CDK14: variants seen among roughly 807,000 people sequenced by gnomAD.
CDK14 encodes cyclin dependent kinase 14, also known as cyclin-dependent kinase 14.
A neutral mutation model predicts 60.7 loss-of-function variants in CDK14; 34 were observed. The ratio of observed to expected loss-of-function variants is 0.56; its 90% confidence interval spans 0.43 to 0.75. The LOEUF (loss-of-function observed/expected upper bound fraction) is 0.75, where lower values mean the gene tolerates loss of function less well. CDK14 is among the 30% of genes least tolerant of loss of function. CDK14 has a pLI of 0.00. For synonymous variants in CDK14, 197 were observed against 203.7 expected, an observed-to-expected ratio of 0.97 and a Z score of 0.28; for missense variants, 482 against 564.1, an observed-to-expected ratio of 0.85 and a Z score of 1.47.
chr7:91,030,394 A>G (rs762353602), intron 10 of CDK14, among the ~76,000 whole-genome samples: 2 of 152,100 alleles, frequency 1.3e-5, no homozygotes, highest in African/African-American at 2.4e-5. Context: ...CATATTCCCA[A>G]TATAGGACCA....
intron 8 of CDK14, among the ~76,000 whole-genome samples, chr7:90,922,179 A>C (rs990552282): frequency 3.9e-5 from 6 of 152,214 alleles, no homozygotes; most frequent in Non-Finnish European, 8.8e-5. Context: ...AAGGTTAGAT[A>C]TAACTTAGCT....
At chr7:90,718,708 C>A (rs1325921902) in intron 2 of CDK14, among the ~76,000 whole-genome samples, 2 of 152,118 alleles carry the variant, frequency 1.3e-5, no homozygotes, top group African/African-American at 4.8e-5. Flanking sequence ...CTCTTACTGC[C>A]ATCTCTGTGT....
At chr7:91,131,260 G>T (rs555096347) in intron 14 of CDK14, among the ~76,000 whole-genome samples, 9 of 152,010 alleles carry the variant, frequency 5.9e-5, no homozygotes, top group Admixed American at 4.6e-4. Flanking sequence ...CAGGTATTTT[G>T]CAGAATGTCC....
intron 2 of CDK14, among the ~76,000 whole-genome samples, chr7:90,718,388 A>G (rs540428018): frequency 6.6e-6 from 1 of 152,298 alleles, no homozygotes; most frequent in South Asian, 2.1e-4. Flanking sequence ...GTGAGACTTT[A>G]CTAGTTGACC....
intron 5 of CDK14, among the ~76,000 whole-genome samples, chr7:90,832,967 A>G (rs767012142): frequency 2.0e-5 from 3 of 152,186 alleles, no homozygotes; most frequent in Non-Finnish European, 2.9e-5. Context: ...TCATGCTAGT[A>G]GCCATTTCCC....
At chr7:91,007,863 T>A (rs1796023888) in intron 10 of CDK14, among the ~76,000 whole-genome samples, 1 of 152,192 alleles carries the variant, frequency 6.6e-6, no homozygotes, top group African/African-American at 2.4e-5. Flanking sequence ...CATCTGTCAG[T>A]ATCTTTATGT....
intron 4 of CDK14, among the ~76,000 whole-genome samples, chr7:90,767,227 C>A (rs541859040): frequency 1.9e-4 from 29 of 152,332 alleles, no homozygotes; most frequent in African/African-American, 6.7e-4. Flanking sequence ...TATGTGCCTG[C>A]ATCCTAAACT....
intron 5 of CDK14, among the ~76,000 whole-genome samples, chr7:90,812,860 T>C (rs1263850929): frequency 1.3e-5 from 2 of 152,166 alleles, no homozygotes; most frequent in Non-Finnish European, 2.9e-5. Flanking sequence ...GTTTGACTGT[T>C]TTTTAAAGGT....
intron 11 of CDK14, among the ~76,000 whole-genome samples, chr7:91,049,126 C>G (rs1353022876): frequency 6.6e-6 from 1 of 152,118 alleles, no homozygotes; most frequent in Non-Finnish European, 1.5e-5. Context: ...AAGCAGTCCT[C>G]CCACCTCCGC....
At chr7:90,901,910 C>T (rs1033383500) in intron 7 of CDK14, among the ~76,000 whole-genome samples, 12 of 151,806 alleles carry the variant, frequency 7.9e-5, no homozygotes, top group African/African-American at 1.5e-4. Flanking sequence ...AAACTAATTC[C>T]GTAAAGTTGC....
chr7:90,996,746 T>C (rs1269949411), intron 10 of CDK14, among the ~76,000 whole-genome samples: 1 of 152,218 alleles, frequency 6.6e-6, no homozygotes, highest in Admixed American at 6.5e-5. Flanking sequence ...ATTTTAGATA[T>C]ACCATTCAAT....
At chr7:91,190,163 G>T (rs544033552) in intron 14 of CDK14, among the ~76,000 whole-genome samples, 6 of 152,332 alleles carry the variant, frequency 3.9e-5, no homozygotes, top group African/African-American at 1.4e-4. Context: ...TCCAAATGTA[G>T]ACATGGAGGG....
chr7:90,734,423 C>T (rs1197083446), intron 3 of CDK14, among the ~76,000 whole-genome samples: 1 of 152,158 alleles, frequency 6.6e-6, no homozygotes, highest in Non-Finnish European at 1.5e-5. Context: ...TGGTTCTATT[C>T]TCCCCGTCAC....
chr7:91,158,184 T>A (rs1490378321), intron 14 of CDK14, among the ~76,000 whole-genome samples: 2 of 148,156 alleles, frequency 1.3e-5, no homozygotes, highest in Non-Finnish European at 3.0e-5. Context: ...TAAATATACA[T>A]AAAATATATA....
chr7:90,942,188 C>CT (rs949953284), intron 8 of CDK14, among the ~76,000 whole-genome samples: 2 of 152,112 alleles, frequency 1.3e-5, no homozygotes, highest in African/African-American at 4.8e-5. Flanking sequence ...GCCGGATTCT[C>CT]TGTTTCCCTA....
At chr7:90,775,036 A>G (rs1804956999) in intron 4 of CDK14, among the ~76,000 whole-genome samples, 1 of 152,036 alleles carries the variant, frequency 6.6e-6, no homozygotes, top group African/African-American at 2.4e-5. Context: ...TGCTTTGGAG[A>G]TGCTTTTTTC....
chr7:90,975,249 T>C (rs982852537), intron 9 of CDK14, among the ~76,000 whole-genome samples: 8 of 152,084 alleles, frequency 5.3e-5, no homozygotes, highest in African/African-American at 1.9e-4. Context: ...TTGCCCCAAA[T>C]ATAGTAGTTT....
intron 10 of CDK14, among the ~76,000 whole-genome samples, chr7:91,011,582 T>G (rs1328691376): frequency 1.3e-5 from 2 of 152,120 alleles, no homozygotes; most frequent in Non-Finnish European, 2.9e-5. Flanking sequence ...ACATGTCTTT[T>G]GGGCAAGTTC....
intron 7 of CDK14, among the ~76,000 whole-genome samples, chr7:90,903,179 TA>T (rs1792573312): frequency 6.6e-6 from 1 of 152,136 alleles, no homozygotes; most frequent in Non-Finnish European, 1.5e-5. Context: ...GGAGGTTTCT[TA>T]AAAAACTATA....
Sources: allele counts gnomAD v4.1 joint callset (sites outside exome capture counted in the v4.1 genomes callset), GRCh38; gene constraint gnomAD v4.1.1; transcripts MANE v1.5; gene names NCBI Gene and HGNC (gene_info 2026-07-23, HGNC 2026-07-21).